PPM1H: variants seen among roughly 807,000 people sequenced by gnomAD.
PPM1H encodes the protein protein phosphatase, Mg2+/Mn2+ dependent 1H, also known as protein phosphatase 1H.
A neutral mutation model predicts 54.9 loss-of-function variants in PPM1H; 27 were observed. The ratio of observed to expected loss-of-function variants is 0.49; its 90% CI spans 0.36 to 0.68. PPM1H has a LOEUF of 0.68. Among genes scored for constraint, PPM1H ranks in the 30% least tolerant of loss-of-function variants. The pLI is 0.00. For missense variants in PPM1H, 596 were observed against 667.8 expected (o/e 0.89, Z 1.19); for synonymous variants, 305 against 270.8 (o/e 1.13, Z -1.24).
chr12:62,667,448 A>G, intron 8 of PPM1H, 119 bp from the exon 9 acceptor site: 1 of 890,450 alleles, frequency 1.1e-6, no homozygotes, highest in Non-Finnish European at 1.7e-6. Context: ...TCAGATATGC[A>G]TTGTAGGGTA....
intron 2 of PPM1H, among the ~76,000 whole-genome samples, chr12:62,804,120 T>C (rs2076789831): frequency 6.6e-6 from 1 of 152,170 alleles, no homozygotes; most frequent in Admixed American, 6.5e-5. Flanking sequence ...AAAAAAAGTA[T>C]GCTCTCACTA....
chr12:62,754,576 T>C lies in PPM1H; in HGVS notation c.870-16990A>G, dbSNP rs7965725. 9.1e-3 allele frequency among the ~76,000 whole-genome samples: 1,392 copies of C among 152,234 alleles called. 19 individuals are homozygous for C. The highest frequency in any genetic ancestry group is 0.031 in the African/African-American group (1,286 of 41,526). On this transcript the variant is annotated intron_variant, in intron 4 of 9. Coordinates refer to ENST00000228705, the MANE Select transcript of PPM1H (RefSeq NM_020700.2). The stretch of plus-strand genomic sequence containing the variant: ...GAGACAGACACTGTCCAAAAACAGA[T>C]ACTAGAGTAGATCATGAAAGGAAGC...
intron 6 of PPM1H, among the ~76,000 whole-genome samples, chr12:62,708,787 G>C (rs1296629389): frequency 6.6e-6 from 1 of 152,110 alleles, no homozygotes; most frequent in Non-Finnish European, 1.5e-5. Context: ...TATATTGTGT[G>C]ATGCTAAGGT....
At chr12:62,817,497 A>G (rs2120799851) in intron 2 of PPM1H, among the ~76,000 whole-genome samples, 1 of 152,198 alleles carries the variant, frequency 6.6e-6, no homozygotes, top group African/African-American at 2.4e-5. Flanking sequence ...AAAAAAACTA[A>G]GAAGAAAAGA....
At chr12:62,770,524 G>C (rs1407930167) in intron 4 of PPM1H, among the ~76,000 whole-genome samples, 1 of 150,674 alleles carries the variant, frequency 6.6e-6, no homozygotes, top group Non-Finnish European at 1.5e-5. Flanking sequence ...TTTAAACAAA[G>C]GGTCTGGAAA....
At chr12:62,857,287 G>A (rs1226966137) in intron 1 of PPM1H, among the ~76,000 whole-genome samples, 1 of 152,168 alleles carries the variant, frequency 6.6e-6, no homozygotes, top group Non-Finnish European at 1.5e-5. Context: ...AGTTAAATAT[G>A]TAACATGAAC....
At chr12:62,787,796 G>GA (rs2076681672) in intron 4 of PPM1H, among the ~76,000 whole-genome samples, 1 of 152,170 alleles carries the variant, frequency 6.6e-6, no homozygotes, top group Non-Finnish European at 1.5e-5. Context: ...AGCTTCTAAG[G>GA]GAATGTGCAT....
chr12:62,728,364 C>T (rs1042113995), intron 5 of PPM1H, among the ~76,000 whole-genome samples: 25 of 152,324 alleles, frequency 1.6e-4, no homozygotes, highest in African/African-American at 5.8e-4. Context: ...CTGACTGTGT[C>T]AGGGCAGGAC....
chr12:62,654,950 G>A (rs145730021), intron 9 of PPM1H, among the ~76,000 whole-genome samples: 1 of 152,130 alleles, frequency 6.6e-6, no homozygotes, highest in Admixed American at 6.5e-5. Flanking sequence ...CCTTCACACG[G>A]CTTCTCTCCG....
intron 1 of PPM1H, among the ~76,000 whole-genome samples, chr12:62,924,138 A>G (rs1421612071): frequency 6.6e-6 from 1 of 152,182 alleles, no homozygotes; most frequent in African/African-American, 2.4e-5. Context: ...AAGGTTACAG[A>G]ATAAAATAAA....
chr12:62,918,301 T>G (rs1488597621), intron 1 of PPM1H, among the ~76,000 whole-genome samples: 1 of 152,224 alleles, frequency 6.6e-6, no homozygotes. Flanking sequence ...TTTCATTAAC[T>G]TATTTTCCCA....
At chr12:62,817,601 T>C (rs761296638) in intron 2 of PPM1H, among the ~76,000 whole-genome samples, 8 of 152,234 alleles carry the variant, frequency 5.3e-5, no homozygotes, top group African/African-American at 1.9e-4. Flanking sequence ...TGCATTTTTA[T>C]AGCTGACATC....
At chr12:62,843,966 C>T (rs938192229) in intron 1 of PPM1H, among the ~76,000 whole-genome samples, 2 of 152,210 alleles carry the variant, frequency 1.3e-5, no homozygotes, top group African/African-American at 4.8e-5. Flanking sequence ...AGGGAAAGAA[C>T]ATGCTAATTT....
chr12:62,735,642 TGAA>T (rs1368175174), intron 5 of PPM1H, among the ~76,000 whole-genome samples: 5 of 152,144 alleles, frequency 3.3e-5, no homozygotes, highest in Non-Finnish European at 5.9e-5. Flanking sequence ...GAACACAGTC[TGAA>T]GAGGGGGAGA....
intron 1 of PPM1H, among the ~76,000 whole-genome samples, chr12:62,903,186 T>C (rs1451279390): frequency 1.3e-5 from 2 of 152,212 alleles, no homozygotes; most frequent in Non-Finnish European, 2.9e-5. Context: ...TTTTTCCCAT[T>C]TGAAGTAGCT....
intron 1 of PPM1H, among the ~76,000 whole-genome samples, chr12:62,875,533 T>G (rs1370207704): frequency 2.0e-5 from 3 of 152,148 alleles, no homozygotes; most frequent in African/African-American, 7.2e-5. Flanking sequence ...AAAATTAGGC[T>G]TTAGGAATGG....
chr12:62,774,622 A>G (rs1316112762), intron 4 of PPM1H, among the ~76,000 whole-genome samples: 2 of 152,190 alleles, frequency 1.3e-5, no homozygotes, highest in Non-Finnish European at 2.9e-5. Flanking sequence ...GATTATGGGT[A>G]TGAGCCACCA....
At chr12:62,814,617 T>C (rs2076854765) in intron 2 of PPM1H, among the ~76,000 whole-genome samples, 3 of 152,236 alleles carry the variant, frequency 2.0e-5, no homozygotes, top group Admixed American at 1.3e-4. Context: ...CACAAGTCCT[T>C]AGCTTATTTA....
chr12:62,755,741 G>C, intron 4 of PPM1H: 1 of 778,896 alleles, frequency 1.3e-6, no homozygotes, highest in Non-Finnish European at 2.2e-6. Flanking sequence ...ATCGTGGAAG[G>C]ACTCATGAAT....
Sources: gnomAD v4.1 joint callset for allele counts (sites outside exome capture counted in the v4.1 genomes callset) on GRCh38, gnomAD v4.1.1 for gene constraint, MANE v1.5 for transcripts, NCBI Gene and HGNC (gene_info 2026-07-23, HGNC 2026-07-21) for gene names.